Variants in COL4A4 observed in about 807,000 individuals in gnomAD.
COL4A4 encodes the protein collagen alpha-4(IV) chain.
In COL4A4, 105 loss-of-function variants were observed where a neutral mutation model predicts 192.9. That is an observed-to-expected ratio of 0.54 (90% CI 0.46 to 0.64). The LOEUF (loss-of-function observed/expected upper bound fraction) is 0.64. Ranked by LOEUF, COL4A4 falls within the 30% of genes least tolerant of loss-of-function variation. The pLI, the probability that COL4A4 is intolerant of heterozygous loss-of-function variation, is 0.00. For missense variants in COL4A4, 1,967 were observed against 2,169.3 expected, an observed-to-expected ratio of 0.91 and a Z score of 1.85; for synonymous variants, 762 against 769.9, an observed-to-expected ratio of 0.99 and a Z score of 0.17.
intron 17 of COL4A4, among the ~76,000 whole-genome samples, chr2:227,100,782 G>T (rs904947817): frequency 3.9e-5 from 5 of 126,610 alleles, no homozygotes; most frequent in South Asian, 2.8e-4. Flanking sequence ...ATTGAATTAT[G>T]GGGGGTGGGT....
At chr2:226,976,500 CCT>C in the COL4A4 span, among the ~76,000 whole-genome samples, 1 of 152,086 alleles carries the variant, frequency 6.6e-6, no homozygotes, top group African/African-American at 2.4e-5. Context: ...CCTGCCTTTT[CCT>C]CTTCTTTGAC....
intron 1 of COL4A4, among the ~76,000 whole-genome samples, chr2:227,157,466 G>T (rs1211018075): frequency 6.6e-6 from 1 of 152,050 alleles, no homozygotes; most frequent in East Asian, 1.9e-4. Context: ...CAAGGAGAAA[G>T]CATTCAAACA....
At chr2:227,002,188 AAAAG>A (rs1327802578), downstream of COL4A4, among the ~76,000 whole-genome samples, 3 of 149,596 alleles carry the variant, frequency 2.0e-5, no homozygotes, top group Non-Finnish European at 3.0e-5. Flanking sequence ...AAAAAAAAAA[AAAAG>A]GCCACAAAGC....
the COL4A4 span, chr2:226,995,451 C>T: frequency 1.9e-6 from 3 of 1,612,578 alleles, no homozygotes; most frequent in African/African-American, 1.3e-5. Context: ...AAATAGCCCA[C>T]CACCCTACGG....
chr2:226,992,049 GA>G, the COL4A4 span, among the ~76,000 whole-genome samples: 1 of 152,196 alleles, frequency 6.6e-6, no homozygotes, highest in Non-Finnish European at 1.5e-5. Flanking sequence ...GTACATATCA[GA>G]AACACAAAGA....
rs928293449 is a variant in COL4A4 at position 227,109,214 on chromosome 2, C to A, written c.657+10G>T. On this transcript the variant is annotated intron_variant, in intron 10 of 47. Transcript: ENST00000396625. ...TTTTAAAGGGATCACATCAGCAGTG[C>A]TGTACTTACCACTAACCCTGGCTCT... 3 of 1,611,742 alleles carry A rather than the reference C, an allele frequency of 1.9e-6. No homozygotes were observed. Among genetic ancestry groups the A allele is most frequent in the Non-Finnish European group, 2.5e-6 (3 of 1,177,768 alleles).
rs182406906 is a variant in COL4A4 at position 227,059,398 on chromosome 2, C to T, written c.2383+7G>A. 6.0e-5 allele frequency: 97 copies of T among 1,613,070 alleles called. 1 individual carries two copies. In the African/African-American group the frequency reaches 1.2e-3, roughly 20 times the overall value. ...TATGCACCAAAAGGACAGCAAAGCCCTCATACCTTCAGCCCCTGGACATCC... is the reference window on the plus strand; with the variant it reads ...TATGCACCAAAAGGACAGCAAAGCCTTCATACCTTCAGCCCCTGGACATCC... On this transcript the variant is annotated splice_region_variant and intron_variant, in intron 28 of 47. Transcript: ENST00000396625.
At chr2:227,091,286 A>G (rs1030163358) in intron 20 of COL4A4, among the ~76,000 whole-genome samples, 1 of 151,472 alleles carries the variant, frequency 6.6e-6, no homozygotes, top group Non-Finnish European at 1.5e-5. Flanking sequence ...ATAGATATAG[A>G]TATAGATATA....
At chr2:227,132,618 A>G (rs899044254) in intron 4 of COL4A4, among the ~76,000 whole-genome samples, 3 of 152,118 alleles carry the variant, frequency 2.0e-5, no homozygotes, top group African/African-American at 7.2e-5. Flanking sequence ...TCTACTAAAA[A>G]TACAAAAATT....
chr2:227,052,211 C>A, intron 32 of COL4A4, 94 bp downstream of exon 32: 1 of 779,544 alleles, frequency 1.3e-6, no homozygotes, highest in South Asian at 1.5e-5. Context: ...AAAGTCTTTT[C>A]TAATCTCAGT....
intron 35 of COL4A4, among the ~76,000 whole-genome samples, chr2:227,045,118 A>G (rs1972170238): frequency 6.6e-6 from 1 of 152,228 alleles, no homozygotes; most frequent in Non-Finnish European, 1.5e-5. Flanking sequence ...AATACCAGTA[A>G]GTATGGGAAA....
In COL4A4 at chr2:227,080,464, T is replaced by C. The variant is rs370489388; in HGVS notation, c.1782A>G (p.Glu594=). The C allele has an allele frequency of 5.1e-5, 82 of 1,614,134 alleles. No individual in the cohort carries two copies. Among genetic ancestry groups the C allele is most frequent in the East Asian group, 3.3e-4 (15 of 44,874 alleles). ...GSHGRDGHAG[E]KGDPGPPGDH... ...ATACTGGAGGTCCTGGATCCCCTTT[T>C]TCTCCAGCATGTCCATCCCGACCAT... The change falls in exon 24 of 48, where the codon GAA becomes GAG. Residue 594 remains glutamate (E), a synonymous_variant. Transcript: ENST00000396625.
chr2:227,158,486 A>C (rs2064534921), intron 1 of COL4A4, among the ~76,000 whole-genome samples: 1 of 152,124 alleles, frequency 6.6e-6, no homozygotes, highest in South Asian at 2.1e-4. Context: ...ATTATATTCC[A>C]TCAAAATAAA....
intron 26 of COL4A4, 86 bp downstream of exon 26, chr2:227,062,444 G>T: frequency 1.2e-6 from 1 of 846,852 alleles, no homozygotes; most frequent in South Asian, 1.4e-5. Flanking sequence ...CTAGTCTGAG[G>T]ATTCACTCTT....
the COL4A4 span, among the ~76,000 whole-genome samples, chr2:226,971,873 A>G: frequency 2.0e-5 from 3 of 151,942 alleles, no homozygotes; most frequent in East Asian, 5.8e-4. Context: ...GAACTTATTG[A>G]ACATGATAGA....
chr2:227,155,219 G>A (rs942222535), intron 1 of COL4A4, among the ~76,000 whole-genome samples: 2 of 146,872 alleles, frequency 1.4e-5, no homozygotes, highest in African/African-American at 5.0e-5. Context: ...TGAACTGTTT[G>A]AGACTGCTGC....
intron 7 of COL4A4, among the ~76,000 whole-genome samples, chr2:227,117,260 A>G (rs1286041137): frequency 6.6e-6 from 1 of 152,192 alleles, no homozygotes; most frequent in Non-Finnish European, 1.5e-5. Flanking sequence ...CTGGTACTGC[A>G]TGCTATGTTA....
intron 1 of COL4A4, among the ~76,000 whole-genome samples, chr2:227,157,617 C>T (rs990735385): frequency 4.6e-5 from 7 of 151,784 alleles, no homozygotes; most frequent in African/African-American, 1.7e-4. Context: ...AGAGAATCTT[C>T]TTATAATTAT....
the COL4A4 span, among the ~76,000 whole-genome samples, chr2:226,972,952 A>T: frequency 6.6e-6 from 1 of 151,336 alleles, no homozygotes; most frequent in Non-Finnish European, 1.5e-5. Flanking sequence ...AAAACAAAAA[A>T]CCATGCAGGT....
Sources: gnomAD v4.1 joint callset for allele counts (sites outside exome capture counted in the v4.1 genomes callset) on GRCh38, gnomAD v4.1.1 for gene constraint, MANE v1.5 for transcripts, NCBI Gene and HGNC (gene_info 2026-07-23, HGNC 2026-07-21) for gene names.